CLTCL1: variants seen among roughly 807,000 people sequenced by gnomAD.
The protein encoded by CLTCL1 is clathrin heavy chain like 1.
A neutral mutation model predicts 190.0 loss-of-function variants in CLTCL1; 159 were observed. The observed-to-expected ratio is 0.84, with a 90% CI of 0.74 to 0.95. The LOEUF (loss-of-function observed/expected upper bound fraction) is 0.95. Ranked by LOEUF, CLTCL1 falls within the 40% of genes least tolerant of loss-of-function variation. The pLI is 0.00. For synonymous variants in CLTCL1, 752 were observed against 769.6 expected (o/e 0.98, Z 0.38); for missense variants, 1,878 against 2,033.4 (o/e 0.92, Z 1.47).
chr22:19,207,508 G>A, intron 22 of CLTCL1: 1 of 401,654 alleles, frequency 2.5e-6, no homozygotes, highest in Non-Finnish European at 4.4e-6. Context: ...AATAGCAACA[G>A]GTTACTTACT....
At chr22:19,226,986 C>T (rs2085766767) in intron 11 of CLTCL1, among the ~76,000 whole-genome samples, 1 of 152,024 alleles carries the variant, frequency 6.6e-6, no homozygotes, top group Admixed American at 6.6e-5. Context: ...GATCTGCCCA[C>T]CTTGGCCTCC....
chr22:19,286,687 CCT>C (rs1444834985), intron 1 of CLTCL1, among the ~76,000 whole-genome samples: 1 of 152,150 alleles, frequency 6.6e-6, no homozygotes, highest in Non-Finnish European at 1.5e-5. Context: ...TACTTTCCCC[CCT>C]CTTTCCTTAA....
At chr22:19,183,015 C>T (rs1054391177) in intron 30 of CLTCL1, 12 of 277,876 alleles carry the variant, frequency 4.3e-5, no homozygotes, top group African/African-American at 1.5e-4. Context: ...CACCCCCAGA[C>T]GCCACTGGGA....
intron 19 of CLTCL1, among the ~76,000 whole-genome samples, chr22:19,214,344 T>C (rs1487494527): frequency 6.6e-6 from 1 of 152,194 alleles, no homozygotes; most frequent in Non-Finnish European, 1.5e-5. Flanking sequence ...CTGTGCCTCC[T>C]TGGTGGCTGA....
rs182252314 is a variant in CLTCL1, at chr22:19,236,415, C to T, written c.796-546G>A. 7.2e-4 allele frequency among the ~76,000 whole-genome samples: 109 copies of T among 152,282 alleles called. 1 individual carries two copies. The Middle Eastern group carries it at 0.014, about 19-fold the overall frequency. On this transcript the variant is annotated intron_variant, in intron 5 of 32. Coordinates refer to ENST00000427926, the MANE Select transcript of CLTCL1 (RefSeq NM_007098.4). ...CCAAGATGATGTTCCAGCATGCCTT[C>T]TACCACCACTTATTAACCTTTGAGT...
At chr22:19,235,591 C>T (rs1269098756) in intron 6 of CLTCL1, 105 bp downstream of exon 6, 4 of 1,057,436 alleles carry the variant, frequency 3.8e-6, no homozygotes, top group Non-Finnish European at 1.4e-6. Context: ...ATAACAGGAA[C>T]TATTAATAGC....
chr22:19,210,697 C>T (rs1415257226), intron 19 of CLTCL1, among the ~76,000 whole-genome samples, 188 bp from the exon 20 acceptor site: 3 of 152,136 alleles, frequency 2.0e-5, no homozygotes, highest in Non-Finnish European at 2.9e-5. Flanking sequence ...AACAGTATAG[C>T]AAAGTCTTGG....
At chr22:19,250,547 T>C (rs2086561289) in intron 3 of CLTCL1, among the ~76,000 whole-genome samples, 2 of 88,860 alleles carry the variant, frequency 2.3e-5, no homozygotes, top group Non-Finnish European at 4.8e-5. Context: ...ACATTCTATT[T>C]TTTTTAACTT....
chr22:19,247,436 T>TAACTATATATACATGTA (rs2086453030), intron 3 of CLTCL1, among the ~76,000 whole-genome samples: 1 of 152,256 alleles, frequency 6.6e-6, no homozygotes, highest in Non-Finnish European at 1.5e-5. Context: ...AGTTTGTCAG[T>TAACTATATATACATGTA]AAAGCATATA....
intron 1 of CLTCL1, among the ~76,000 whole-genome samples, chr22:19,288,890 A>G (rs1569266767): frequency 6.6e-6 from 1 of 152,258 alleles, no homozygotes; most frequent in African/African-American, 2.4e-5. Context: ...AACAGTAGAG[A>G]AAGGACCCTC....
intron 2 of CLTCL1, among the ~76,000 whole-genome samples, chr22:19,268,334 T>C (rs2087189773): frequency 6.6e-6 from 1 of 152,176 alleles, no homozygotes; most frequent in South Asian, 2.1e-4. Flanking sequence ...CTATTCTTTA[T>C]AGATTTCCCA....
At chr22:19,245,523 C>A (rs1196285487) in intron 3 of CLTCL1, among the ~76,000 whole-genome samples, 1 of 152,092 alleles carries the variant, frequency 6.6e-6, no homozygotes, top group Non-Finnish European at 1.5e-5. Context: ...AGGTGACATT[C>A]ACAAAACAAA....
At chr22:19,234,793 G>A in intron 6 of CLTCL1, 87 bp from the exon 7 acceptor site, 1 of 1,181,654 alleles carries the variant, frequency 8.5e-7, no homozygotes, top group East Asian at 2.4e-5. Flanking sequence ...TGCTGGAGTG[G>A]TAGCCACATT....
intron 2 of CLTCL1, among the ~76,000 whole-genome samples, chr22:19,264,538 T>A (rs782502278): frequency 6.6e-6 from 1 of 152,202 alleles, no homozygotes; most frequent in Non-Finnish European, 1.5e-5. Context: ...TTTGAGGTAC[T>A]ACTATCTCTG....
At chr22:19,269,301 G>A (rs1046527725) in intron 2 of CLTCL1, among the ~76,000 whole-genome samples, 1 of 152,090 alleles carries the variant, frequency 6.6e-6, no homozygotes, top group Non-Finnish European at 1.5e-5. Context: ...TTGGGAGGCT[G>A]AGGCAGGAGA....
chr22:19,223,405 T>A (rs1039939267), intron 14 of CLTCL1, among the ~76,000 whole-genome samples: 4 of 137,946 alleles, frequency 2.9e-5, no homozygotes, highest in Non-Finnish European at 3.3e-5. Context: ...TCTGTGCTCT[T>A]CCCTTCCTCT....
intron 1 of CLTCL1, among the ~76,000 whole-genome samples, chr22:19,279,252 CA>C (rs1475633357): frequency 6.6e-6 from 1 of 152,146 alleles, no homozygotes; most frequent in Non-Finnish European, 1.5e-5. Context: ...TCTCCTGCCT[CA>C]CCCTCCCGAG....
intron 19 of CLTCL1, among the ~76,000 whole-genome samples, chr22:19,214,977 A>G (rs1361055039): frequency 6.6e-6 from 1 of 152,238 alleles, no homozygotes; most frequent in East Asian, 1.9e-4. Context: ...TTACCTACGC[A>G]TAAAACTGTC....
At chr22:19,257,877 A>C (rs1555973513) in intron 2 of CLTCL1, 1 of 1,396,598 alleles carries the variant, frequency 7.2e-7, no homozygotes, top group Non-Finnish European at 9.5e-7. Flanking sequence ...CCTGGAGAAG[A>C]AGAGACCCCA....
Sources: gnomAD v4.1 joint callset for allele counts (sites outside exome capture counted in the v4.1 genomes callset) on GRCh38, gnomAD v4.1.1 for gene constraint, MANE v1.5 for transcripts, NCBI Gene and HGNC (gene_info 2026-07-23, HGNC 2026-07-21) for gene names.